The following LRBA variants were observed in gnomAD, a reference collection of about 807,000 sequenced individuals.
LRBA encodes the protein lipopolysaccharide-responsive and beige-like anchor protein.
In LRBA, 176 loss-of-function variants were observed where a neutral mutation model predicts 330.0. That is an observed-to-expected ratio of 0.53 (90% CI 0.47 to 0.60). LRBA has a LOEUF of 0.60. Ranked by LOEUF, LRBA falls within the 20% of genes least tolerant of loss-of-function variation. LRBA has a pLI of 0.00. For missense variants in LRBA, 3,259 were observed against 3,444.8 expected, an observed-to-expected ratio of 0.95 and a Z score of 1.35; for synonymous variants, 1,230 against 1,193.0, an observed-to-expected ratio of 1.03 and a Z score of -0.64.
In LRBA at chr4:150,266,439, C is replaced by T. The variant is rs890107356; in HGVS notation, c.8469-627G>A. ...TAAGAACTTCTGCAAGCTTCTTGGT[C>T]TCCTGTCCCCAAAGAGGTGGTGCAG... On this transcript the variant is annotated intron_variant, in intron 56 of 56. Coordinates refer to ENST00000651943, the MANE Select transcript of LRBA (RefSeq NM_001364905.1). Among the ~76,000 whole-genome samples, 50 of 152,204 alleles carry T rather than the reference C, an allele frequency of 3.3e-4. 1 individual carries two copies. The highest frequency in any genetic ancestry group is 2.9e-3 in the Admixed American group (45 of 15,280).
At chr4:150,868,772 T>C (rs1007552405) in intron 20 of LRBA, among the ~76,000 whole-genome samples, 13 of 151,942 alleles carry the variant, frequency 8.6e-5, no homozygotes, top group African/African-American at 3.1e-4. Flanking sequence ...ACCCCATCTC[T>C]ACTAAAAATA....
chr4:150,653,598 T>C (rs113045725), intron 37 of LRBA, among the ~76,000 whole-genome samples: 5,066 of 152,296 alleles, frequency 0.033, 238 homozygotes, highest in African/African-American at 0.11. Flanking sequence ...GAGGGCCCGC[T>C]GCTACCAGAT....
intron 2 of LRBA, among the ~76,000 whole-genome samples, chr4:150,979,706 A>G (rs529624033): frequency 6.6e-6 from 1 of 152,346 alleles, no homozygotes; most frequent in East Asian, 1.9e-4. Flanking sequence ...AATAAGTTAT[A>G]AGATAGTATT....
At chr4:150,528,718 T>C (rs922104530) in intron 40 of LRBA, among the ~76,000 whole-genome samples, 1 of 152,054 alleles carries the variant, frequency 6.6e-6, no homozygotes, top group African/African-American at 2.4e-5. Context: ...ATTTTTTAGG[T>C]AGATAATATC....
Position 150,844,169 on chromosome 4 carries a change from T to C in LRBA, c.4500A>G (p.Val1500=), listed in dbSNP as rs143105749. 4.3e-6 allele frequency: 7 copies of C among 1,611,096 alleles called. No homozygotes were observed. Among genetic ancestry groups the C allele is most frequent in the South Asian group, 1.1e-5 (1 of 90,650 alleles). Residue 1500 remains valine, a synonymous_variant, in exon 28 of 57, where the codon GTA becomes GTG. Transcript: ENST00000651943. The part of the protein sequence containing the change: ...VDIVTGGISP[V]RDLDRLLQDM... ...CCTGTAGAAGCCTGTCAAGATCTCT[T>C]ACTGGAGATATACCGCCAGTCACAA...
chr4:150,887,495 C>T (rs947838782), intron 17 of LRBA, among the ~76,000 whole-genome samples: 3 of 152,104 alleles, frequency 2.0e-5, no homozygotes, highest in South Asian at 2.1e-4. Context: ...GCTCACGGGC[C>T]GGGTGTGGTG....
At chr4:150,439,775 T>G (rs1751582287) in intron 44 of LRBA, among the ~76,000 whole-genome samples, 1 of 152,186 alleles carries the variant, frequency 6.6e-6, no homozygotes, top group South Asian at 2.1e-4. Flanking sequence ...TATCACAGCT[T>G]CCTCAGCAGC....
chr4:150,448,952 G>A (rs1053810228), intron 44 of LRBA, among the ~76,000 whole-genome samples: 6 of 151,882 alleles, frequency 4.0e-5, no homozygotes, highest in Non-Finnish European at 7.4e-5. Flanking sequence ...TCTTTTCCAC[G>A]GGCCTCTCCC....
chr4:150,552,391 A>G (rs1042382754), intron 40 of LRBA, among the ~76,000 whole-genome samples: 1 of 152,126 alleles, frequency 6.6e-6, no homozygotes, highest in Non-Finnish European at 1.5e-5. Flanking sequence ...AAGACACATG[A>G]AAAAATGCTC....
intron 40 of LRBA, among the ~76,000 whole-genome samples, chr4:150,505,731 A>C (rs1760978180): frequency 2.0e-5 from 3 of 152,240 alleles, no homozygotes; most frequent in Non-Finnish European, 4.4e-5. Flanking sequence ...AACTAAGATC[A>C]GAGCAGAACT....
chr4:150,920,723 C>T (rs867525865), intron 5 of LRBA, among the ~76,000 whole-genome samples: 3 of 151,934 alleles, frequency 2.0e-5, no homozygotes, highest in Non-Finnish European at 4.4e-5. Context: ...AACTGATTAA[C>T]GGCTTACAGG....
rs139505122 is a variant in LRBA at position 150,743,610 on chromosome 4, G to C, written c.5646-8244C>G. On this transcript the variant is annotated intron_variant, in intron 35 of 56. Coordinates refer to ENST00000651943, the MANE Select transcript of LRBA (RefSeq NM_001364905.1). The stretch of plus-strand genomic sequence containing the variant: ...CAAATCTAGCCTGCCAACATTTTTT[G>C]GTTAGTAAGTTCTATAAGAGCACAA... 6.6e-5 allele frequency among the ~76,000 whole-genome samples: 10 copies of C among 152,202 alleles called. No homozygotes were observed. In the East Asian group the frequency reaches 1.9e-3, roughly 29 times the overall value.
chr4:150,922,594 C>A (rs1733423592), intron 4 of LRBA, among the ~76,000 whole-genome samples: 1 of 151,800 alleles, frequency 6.6e-6, no homozygotes, highest in South Asian at 2.1e-4. Flanking sequence ...AAGAAAGATA[C>A]AATGGACTTT....
intron 40 of LRBA, among the ~76,000 whole-genome samples, chr4:150,520,492 G>A (rs1025734785): frequency 3.3e-5 from 5 of 151,974 alleles, no homozygotes; most frequent in African/African-American, 1.2e-4. Flanking sequence ...TATTGTAAAT[G>A]ATATTAAATT....
intron 40 of LRBA, among the ~76,000 whole-genome samples, chr4:150,541,064 T>C (rs1765267424): frequency 6.6e-6 from 1 of 152,216 alleles, no homozygotes; most frequent in African/African-American, 2.4e-5. Flanking sequence ...CTTAGATTCC[T>C]TTCTTCTCAA....
At chr4:150,613,804 T>C (rs1366388680) in intron 37 of LRBA, among the ~76,000 whole-genome samples, 1 of 152,212 alleles carries the variant, frequency 6.6e-6, no homozygotes, top group Non-Finnish European at 1.5e-5. Context: ...TTCCTAGCCC[T>C]GATGAATTGA....
chr4:150,697,860 T>C (rs866218745), intron 36 of LRBA, among the ~76,000 whole-genome samples: 2 of 152,054 alleles, frequency 1.3e-5, no homozygotes, highest in Non-Finnish European at 2.9e-5. Flanking sequence ...TTAGCACTGA[T>C]GCCTTTGATG....
chr4:150,416,368 G>A (rs1163042561), intron 46 of LRBA, among the ~76,000 whole-genome samples: 2 of 152,172 alleles, frequency 1.3e-5, no homozygotes, highest in African/African-American at 2.4e-5. Context: ...GGCAGGCCCG[G>A]CTTTCCAAAC....
chr4:150,602,224 C>A (rs1407922575), intron 37 of LRBA, among the ~76,000 whole-genome samples: 1 of 152,132 alleles, frequency 6.6e-6, no homozygotes, highest in South Asian at 2.1e-4. Context: ...AAAAGACCAA[C>A]AATTTCAATA....
Sources: gnomAD v4.1 joint callset for allele counts (sites outside exome capture counted in the v4.1 genomes callset) on GRCh38, gnomAD v4.1.1 for gene constraint, MANE v1.5 for transcripts, NCBI Gene and HGNC (gene_info 2026-07-23, HGNC 2026-07-21) for gene names.